Variants in QTMAN observed in about 807,000 individuals in gnomAD.
QTMAN encodes the protein queuosine-tRNA mannosyltransferase, also known as tRNA-queuosine alpha-mannosyltransferase.
the QTMAN span, chr2:144,128,269 A>C: frequency 1.3e-5 from 2 of 152,062 alleles, no homozygotes; most frequent in Non-Finnish European, 2.9e-5. Context: ...CAAATGCTGG[A>C]AACTCTTATT....
chr2:144,258,891 CAG>C, the QTMAN span, among the ~76,000 whole-genome samples: 33 of 152,126 alleles, frequency 2.2e-4, no homozygotes, highest in African/African-American at 8.0e-4. Context: ...GTAATCATGA[CAG>C]GGTATGAATA....
At chr2:144,219,797 G>A in the QTMAN span, among the ~76,000 whole-genome samples, 1 of 152,080 alleles carries the variant, frequency 6.6e-6, no homozygotes, top group Non-Finnish European at 1.5e-5. Flanking sequence ...ACTCCAGCCT[G>A]GGTGACAGAG....
chr2:144,291,981 T>C, the QTMAN span, among the ~76,000 whole-genome samples: 3 of 152,186 alleles, frequency 2.0e-5, no homozygotes, highest in African/African-American at 7.2e-5. Context: ...CGGGTTCAAA[T>C]GAACATTTGG....
chr2:144,326,586 CAAAAA>C, the QTMAN span, among the ~76,000 whole-genome samples: 14 of 43,734 alleles, frequency 3.2e-4, no homozygotes, highest in South Asian at 6.8e-4. Flanking sequence ...GACTCCATCT[CAAAAA>C]AAAAAAAAAA....
the QTMAN span, among the ~76,000 whole-genome samples, chr2:143,998,514 A>C: frequency 3.9e-5 from 6 of 152,008 alleles, no homozygotes; most frequent in Non-Finnish European, 8.8e-5. Context: ...CCGAGTAAAA[A>C]AAAAAAAAAT....
At chr2:144,171,960 C>T in the QTMAN span, among the ~76,000 whole-genome samples, 1 of 151,962 alleles carries the variant, frequency 6.6e-6, no homozygotes, top group East Asian at 1.9e-4. Flanking sequence ...GAAAATTATG[C>T]TGTAATTCTA....
chr2:144,212,052 A>T, the QTMAN span, among the ~76,000 whole-genome samples: 1 of 152,246 alleles, frequency 6.6e-6, no homozygotes, highest in African/African-American at 2.4e-5. Context: ...AGTGTTTGCT[A>T]GAAGATGGCA....
the QTMAN span, among the ~76,000 whole-genome samples, chr2:144,272,333 C>CA: frequency 3.3e-5 from 5 of 152,134 alleles, no homozygotes; most frequent in Non-Finnish European, 7.4e-5. Context: ...AAATACCAAA[C>CA]AAAATTTAGG....
At chr2:144,159,673 G>T in the QTMAN span, among the ~76,000 whole-genome samples, 5 of 152,092 alleles carry the variant, frequency 3.3e-5, no homozygotes, top group African/African-American at 1.2e-4. Flanking sequence ...TACTTTCATG[G>T]AGGTGGCATT....
At chr2:144,003,959 T>A in the QTMAN span, among the ~76,000 whole-genome samples, 31 of 152,180 alleles carry the variant, frequency 2.0e-4, 1 homozygote, top group South Asian at 6.4e-3. Context: ...TTTTTTATGA[T>A]AGAGGAGGGT....
the QTMAN span, among the ~76,000 whole-genome samples, chr2:144,099,776 T>A: frequency 6.6e-6 from 1 of 152,318 alleles, no homozygotes; most frequent in Non-Finnish European, 1.5e-5. Context: ...TTAAGCTGCA[T>A]CTTATGATTC....
At chr2:143,968,234 G>A in the QTMAN span, among the ~76,000 whole-genome samples, 1 of 152,162 alleles carries the variant, frequency 6.6e-6, no homozygotes, top group Non-Finnish European at 1.5e-5. Flanking sequence ...TTGCTACTAG[G>A]AGTAACAGAA....
chr2:144,265,629 G>C, the QTMAN span, among the ~76,000 whole-genome samples: 3 of 152,004 alleles, frequency 2.0e-5, no homozygotes, highest in African/African-American at 7.3e-5. Context: ...CCGGGAGGCG[G>C]AGGTTGCAGT....
At chr2:144,025,074 C>A in the QTMAN span, among the ~76,000 whole-genome samples, 1 of 152,288 alleles carries the variant, frequency 6.6e-6, no homozygotes, top group Admixed American at 6.5e-5. Context: ...AGGATTAATA[C>A]CTGCAAACGC....
chr2:144,082,271 A>G, the QTMAN span, among the ~76,000 whole-genome samples: 2 of 152,208 alleles, frequency 1.3e-5, no homozygotes, highest in African/African-American at 4.8e-5. Context: ...AGACTTACAA[A>G]GAAAAAAGAG....
the QTMAN span, among the ~76,000 whole-genome samples, chr2:144,190,448 A>C: frequency 6.6e-6 from 1 of 152,372 alleles, no homozygotes; most frequent in East Asian, 1.9e-4. Context: ...TTTATTTATT[A>C]GAAAAATAAC....
the QTMAN span, among the ~76,000 whole-genome samples, chr2:144,288,287 G>A: frequency 6.6e-6 from 1 of 151,980 alleles, no homozygotes; most frequent in African/African-American, 2.4e-5. Context: ...CTTCTTTGAA[G>A]GGGAACAAAA....
the QTMAN span, among the ~76,000 whole-genome samples, chr2:144,105,197 C>A: frequency 1.3e-5 from 2 of 152,030 alleles, no homozygotes; most frequent in African/African-American, 2.4e-5. Context: ...AATCAGAGCG[C>A]CTCTCCCCCT....
the QTMAN span, among the ~76,000 whole-genome samples, chr2:144,052,298 C>T: frequency 1.3e-5 from 2 of 152,130 alleles, no homozygotes; most frequent in African/African-American, 4.8e-5. Context: ...TCTGGTTGTG[C>T]TATGCAGGAT....
Sources: allele counts gnomAD v4.1 joint callset (sites outside exome capture counted in the v4.1 genomes callset), GRCh38; gene constraint gnomAD v4.1.1; transcripts MANE v1.5; gene names NCBI Gene and HGNC (gene_info 2026-07-23, HGNC 2026-07-21).